DCAF1: variants seen among roughly 807,000 people sequenced by gnomAD.
DCAF1 encodes DDB1 and CUL4 associated factor 1, also known as DDB1- and CUL4-associated factor 1.
DCAF1 carries 15 observed loss-of-function variants against 128.0 expected under a neutral mutation model. The ratio of observed to expected loss-of-function variants is 0.12; its 90% CI spans 0.08 to 0.18. The LOEUF (loss-of-function observed/expected upper bound fraction) is 0.18. Among genes scored for constraint, DCAF1 ranks in the 10% least tolerant of loss-of-function variants. The probability of loss-of-function intolerance (pLI) is 1.00; values close to 1 mark genes in which losing one functional copy is unlikely to be tolerated. For synonymous variants in DCAF1, 610 were observed against 603.0 expected, an observed-to-expected ratio of 1.01 and a Z score of -0.17; for missense variants, 988 against 1,649.5, an observed-to-expected ratio of 0.60 and a Z score of 6.95.
chr3:51,412,462 C>A lies in DCAF1; in HGVS notation c.4129G>T (p.Ala1377Ser). 2 of 1,613,958 alleles carry A rather than the reference C, an allele frequency of 1.2e-6. No individual in the cohort carries two copies. Among genetic ancestry groups the A allele is most frequent in the Non-Finnish European group, 1.7e-6 (2 of 1,179,880 alleles). ...CTGCATACTGTGTCCATGTTCAGGG[C>A]ATCCATGCTGCCTTGATTCTGAAAT... ...AVIENQGSMDALNMDTVCRLY... is the reference protein window; with the variant it reads ...AVIENQGSMDSLNMDTVCRLY... The change falls in exon 23 of 25, where the codon GCC becomes TCC. Residue 1377 changes from alanine (A) to serine (S), a missense_variant. By Grantham distance (99) the Ala-to-Ser change is moderately conservative. Transcript: ENST00000684031.
chr3:51,440,949 C>A, intron 9 of DCAF1, 21 bp downstream of exon 9: 1 of 1,582,040 alleles, frequency 6.3e-7, no homozygotes, highest in East Asian at 2.2e-5. Context: ...CCCGGTGACC[C>A]AATATTTTTA....
chr3:51,429,201 G>A, intron 12 of DCAF1, 60 bp downstream of exon 12: 2 of 713,420 alleles, frequency 2.8e-6, no homozygotes, highest in Non-Finnish European at 2.6e-6. Flanking sequence ...TGAGTTTCAG[G>A]ACTGAGATGC....
At position 51,483,806 on chromosome 3, in the gene DCAF1, A is replaced by G; in HGVS notation, c.23T>C (p.Val8Ala). ...GGTAGTGAGCTCAGCTTTGGAGTCC[A>G]CATGTACCACTACTGTAGTCATGGC... MTTVVVH[V>A]DSKAELTTLL... The change falls in exon 3 of 25, where the codon GTG (valine) becomes GCG (alanine). Residue 8 changes from valine (V) to alanine (A), a missense_variant. By Grantham distance (64) the Val-to-Ala change is moderately conservative. Coordinates refer to ENST00000684031, the MANE Select transcript of DCAF1 (RefSeq NM_001387579.1). The G allele has an allele frequency of 6.2e-7, 1 of 1,613,884 alleles. No homozygotes were observed. Among genetic ancestry groups the G allele is most frequent in the Non-Finnish European group, 8.5e-7 (1 of 1,179,836 alleles).
chr3:51,401,528 A>G (rs1228685963), intron 24 of DCAF1, among the ~76,000 whole-genome samples: 4 of 152,236 alleles, frequency 2.6e-5, no homozygotes, highest in Non-Finnish European at 4.4e-5. Flanking sequence ...TTATTTTCAC[A>G]TCGTAAATAT....
chr3:51,479,752 C>T (rs1359014712), intron 3 of DCAF1, among the ~76,000 whole-genome samples: 3 of 152,068 alleles, frequency 2.0e-5, no homozygotes, highest in African/African-American at 4.8e-5. Flanking sequence ...GCCAAGATCG[C>T]GCCACTGCAC....
chr3:51,460,467 T>C (rs1299140783), intron 6 of DCAF1, among the ~76,000 whole-genome samples: 15 of 151,208 alleles, frequency 9.9e-5, no homozygotes, highest in Non-Finnish European at 2.1e-4. Flanking sequence ...ATCAGTATCG[T>C]GAAAATGGCC....
intron 3 of DCAF1, among the ~76,000 whole-genome samples, chr3:51,481,650 G>T (rs781925664): frequency 6.6e-6 from 1 of 151,688 alleles, no homozygotes; most frequent in African/African-American, 2.4e-5. Context: ...AGCCAAGATC[G>T]CACCACTGCC....
At chr3:51,427,685 G>A (rs906527771) in intron 12 of DCAF1, 144 bp from the exon 13 acceptor site, 17 of 415,276 alleles carry the variant, frequency 4.1e-5, no homozygotes, top group Middle Eastern at 6.0e-4. Context: ...CAGGCTGGAG[G>A]GCAGTGGCTT....
rs781797111 is a variant in DCAF1 at position 51,412,438 on chromosome 3, T to G, written c.4153A>C (p.Arg1385=). The G allele has an allele frequency of 3.1e-6, 5 of 1,613,960 alleles. No individual in the cohort carries two copies. Among genetic ancestry groups the G allele is most frequent in the Non-Finnish European group, 3.4e-6 (4 of 1,179,870 alleles). The change falls in exon 23 of 25, where the codon AGG becomes CGG. Residue 1385 remains arginine (R), a synonymous_variant. Transcript: ENST00000684031. ...CGCTGCCTGCCCACTTCATACAGCC[T>G]GCATACTGTGTCCATGTTCAGGGCA... ...MDALNMDTVC[R]LYEVGRQRLA... is the part of the protein sequence containing the mutation.
Position 51,416,889 on chromosome 3 carries a change from G to A in DCAF1, c.3519-18C>T. The A allele has an allele frequency of 6.3e-7, 1 of 1,596,476 alleles. No homozygotes were observed. The highest frequency in any genetic ancestry group is 8.5e-7 in the Non-Finnish European group (1 of 1,170,952). ...AGGAATGCCTATGGACAAACAACAG[G>A]AGCACTGAAGTGACAGATCTTCAGG... On this transcript the variant is annotated intron_variant, in intron 17 of 24. Coordinates refer to ENST00000684031, the MANE Select transcript of DCAF1 (RefSeq NM_001387579.1).
chr3:51,429,563 T>C, intron 11 of DCAF1, 93 bp from the exon 12 acceptor site: 1 of 693,238 alleles, frequency 1.4e-6, no homozygotes, highest in Admixed American at 2.2e-5. Flanking sequence ...TTTAGTAAAC[T>C]TTTTTTACTT....
At chr3:51,493,929 G>A (rs1440714357) in intron 2 of DCAF1, among the ~76,000 whole-genome samples, 19 of 150,764 alleles carry the variant, frequency 1.3e-4, no homozygotes, top group African/African-American at 4.6e-4. Flanking sequence ...CCTGGGAGGC[G>A]GAGGTTGCAG....
chr3:51,448,248 TTAGA>T (rs1315484446), intron 6 of DCAF1, among the ~76,000 whole-genome samples: 1 of 152,228 alleles, frequency 6.6e-6, no homozygotes, highest in Non-Finnish European at 1.5e-5. Context: ...GAAACTCCCT[TTAGA>T]TATTTTGAAC....
intron 4 of DCAF1, among the ~76,000 whole-genome samples, chr3:51,467,274 G>A (rs1045903482): frequency 7.2e-5 from 11 of 152,158 alleles, no homozygotes; most frequent in Admixed American, 1.3e-4. Flanking sequence ...GGAGGTTGCA[G>A]TGAGCCAAGA....
At chr3:51,461,951 T>C (rs1403592105) in intron 6 of DCAF1, among the ~76,000 whole-genome samples, 6 of 151,946 alleles carry the variant, frequency 3.9e-5, no homozygotes, top group African/African-American at 7.3e-5. Context: ...TTAGGAGATA[T>C]ACCTAATGCT....
chr3:51,466,989 G>A (rs1704191896), intron 4 of DCAF1, 113 bp from the exon 5 acceptor site: 1 of 783,110 alleles, frequency 1.3e-6, no homozygotes, highest in Non-Finnish European at 2.1e-6. Flanking sequence ...TAAAATGCCA[G>A]CAAAAATAAT....
intron 2 of DCAF1, among the ~76,000 whole-genome samples, chr3:51,496,185 G>GGGAGGC (rs1708216613): frequency 6.6e-6 from 1 of 151,948 alleles, no homozygotes; most frequent in Admixed American, 6.6e-5. Context: ...CCAGCACCTT[G>GGGAGGC]GGAGGCCGAG....
chr3:51,410,728 A>C (rs1274446875), intron 23 of DCAF1, among the ~76,000 whole-genome samples: 1 of 152,236 alleles, frequency 6.6e-6, no homozygotes, highest in Non-Finnish European at 1.5e-5. Flanking sequence ...AGCCCTAACC[A>C]TTGAGCATGA....
chr3:51,418,580 T>TA, intron 16 of DCAF1, 98 bp downstream of exon 16: 1 of 1,499,314 alleles, frequency 6.7e-7, no homozygotes, highest in Non-Finnish European at 8.9e-7. Context: ...AGGACTCATT[T>TA]AAAAGAGAGA....
Sources: allele counts gnomAD v4.1 joint callset (sites outside exome capture counted in the v4.1 genomes callset), GRCh38; gene constraint gnomAD v4.1.1; transcripts MANE v1.5; gene names NCBI Gene and HGNC (gene_info 2026-07-23, HGNC 2026-07-21).